Variants in FARP2 observed in about 807,000 individuals in gnomAD.
FARP2 encodes the protein FERM, ARH/RhoGEF and pleckstrin domain protein 2, also known as FERM, ARHGEF and pleckstrin domain-containing protein 2.
A neutral mutation model predicts 130.5 loss-of-function variants in FARP2; 111 were observed. The ratio of observed to expected loss-of-function variants is 0.85; its 90% CI spans 0.73 to 1.00. The LOEUF is 1.00. Among genes scored for constraint, FARP2 ranks in the 50% least tolerant of loss-of-function variants. The pLI, the probability that FARP2 is intolerant of heterozygous loss-of-function variation, is 0.00. For missense variants in FARP2, 1,385 were observed against 1,346.3 expected (o/e 1.03, Z -0.45); for synonymous variants, 504 against 516.9 (o/e 0.98, Z 0.34).
intron 2 of FARP2, among the ~76,000 whole-genome samples, chr2:241,377,485 G>A (rs910984958): frequency 6.6e-6 from 1 of 152,096 alleles, no homozygotes; most frequent in South Asian, 2.1e-4. Flanking sequence ...GGGACTATAG[G>A]CGCCCGCCAC....
intron 18 of FARP2, among the ~76,000 whole-genome samples, chr2:241,474,317 CAAAAAAAAAAAAAAAAAAAAA>C (rs56128645): frequency 2.1e-5 from 1 of 46,652 alleles, no homozygotes; most frequent in Non-Finnish European, 3.6e-5. Flanking sequence ...GATTCCGTCT[CAAAAAAAAAAAAAAAAAAAAA>C]AAAAAAAAAA....
intron 2 of FARP2, chr2:241,387,017 A>T (rs1318228719): frequency 1.3e-5 from 2 of 152,130 alleles, no homozygotes; most frequent in Non-Finnish European, 2.9e-5. Flanking sequence ...TTTTATTTTC[A>T]GCCTTTCTGA....
intron 13 of FARP2, among the ~76,000 whole-genome samples, chr2:241,451,808 G>A (rs751939008): frequency 3.9e-5 from 6 of 151,906 alleles, no homozygotes; most frequent in Non-Finnish European, 7.4e-5. Context: ...AGGCTGGAGT[G>A]CAGTGGTACG....
In FARP2 at chr2:241,373,764, A is replaced by G. The variant is rs369492184; in HGVS notation, c.183+474A>G. 1.2e-4 allele frequency among the ~76,000 whole-genome samples: 19 copies of G among 152,334 alleles called. No individual in the cohort carries two copies. The East Asian group carries it at 3.5e-3, about 28-fold the overall frequency. On this transcript the variant is annotated intron_variant, in intron 2 of 26. Coordinates refer to ENST00000264042, the MANE Select transcript of FARP2 (RefSeq NM_014808.4). ...AGCAAACACACAGAGCCTGTCATGC[A>G]GGAGGTGTTGTATGGTGTTAACATA...
At chr2:241,439,171 G>A (rs1056107097) in intron 12 of FARP2, among the ~76,000 whole-genome samples, 4 of 149,454 alleles carry the variant, frequency 2.7e-5, no homozygotes, top group Non-Finnish European at 4.5e-5. Flanking sequence ...GCATGCCACC[G>A]CACCCAGCTA....
intron 8 of FARP2, among the ~76,000 whole-genome samples, chr2:241,420,217 G>A (rs923937704): frequency 1.3e-5 from 2 of 152,088 alleles, no homozygotes; most frequent in Non-Finnish European, 2.9e-5. Context: ...CAGAATATTG[G>A]GCAACTGTAC....
intron 19 of FARP2, chr2:241,478,677 G>A: frequency 4.1e-6 from 2 of 485,156 alleles, no homozygotes; most frequent in Non-Finnish European, 8.3e-6. Flanking sequence ...GAATTTTACA[G>A]TATCACTTCA....
chr2:241,427,113 T>C (rs1279539801), intron 8 of FARP2, among the ~76,000 whole-genome samples: 1 of 152,044 alleles, frequency 6.6e-6, no homozygotes, highest in Non-Finnish European at 1.5e-5. Context: ...CAGGTGCCTG[T>C]AATGCCAGCT....
chr2:241,363,321 G>A (rs1480607532), intron 1 of FARP2, among the ~76,000 whole-genome samples: 1 of 152,206 alleles, frequency 6.6e-6, no homozygotes, highest in Admixed American at 6.5e-5. Flanking sequence ...AAAACTCTTA[G>A]GGAATGGGGA....
chr2:241,493,520 T>G, intron 26 of FARP2, 76 bp downstream of exon 26: 1 of 1,421,042 alleles, frequency 7.0e-7, no homozygotes, highest in South Asian at 1.2e-5. Flanking sequence ...CTCATGGTGG[T>G]GGAGGCAAGT....
At chr2:241,425,713 GAA>G (rs2062919219) in intron 8 of FARP2, among the ~76,000 whole-genome samples, 1 of 127,792 alleles carries the variant, frequency 7.8e-6, no homozygotes, top group Non-Finnish European at 1.6e-5. Flanking sequence ...GAGGTACAAA[GAA>G]GAGCTGGTAC....
chr2:241,468,031 T>G (rs2064219090), intron 17 of FARP2, 109 bp from the exon 18 acceptor site: 2 of 794,180 alleles, frequency 2.5e-6, no homozygotes, highest in Non-Finnish European at 4.5e-6. Flanking sequence ...CTGGTCCATT[T>G]GCCCTGTGGG....
At chr2:241,493,964 A>G (rs1463683455) in intron 26 of FARP2, 44 bp from the exon 27 acceptor site, 1 of 1,218,550 alleles carries the variant, frequency 8.2e-7, no homozygotes, top group Non-Finnish European at 1.1e-6. Context: ...ACAGTGTCTG[A>G]GCACAAGATG....
At chr2:241,450,806 G>A (rs2063636036) in intron 13 of FARP2, among the ~76,000 whole-genome samples, 1 of 152,124 alleles carries the variant, frequency 6.6e-6, no homozygotes, top group Non-Finnish European at 1.5e-5. Flanking sequence ...AAAACAATTA[G>A]CCAGGCACAG....
At chr2:241,416,038 G>GTGT in intron 7 of FARP2, among the ~76,000 whole-genome samples, 4 of 127,246 alleles carry the variant, frequency 3.1e-5, no homozygotes, top group African/African-American at 9.8e-5. Context: ...TGTGTGTCTG[G>GTGT]GTGTGTTCTG....
intron 9 of FARP2, among the ~76,000 whole-genome samples, 174 bp downstream of exon 9, chr2:241,431,948 A>C (rs2063103328): frequency 6.6e-6 from 1 of 152,090 alleles, no homozygotes; most frequent in African/African-American, 2.4e-5. Context: ...CAGCCTCCCA[A>C]GTAGCTGGGA....
At chr2:241,370,412 G>A (rs1006686284) in intron 1 of FARP2, among the ~76,000 whole-genome samples, 1 of 152,062 alleles carries the variant, frequency 6.6e-6, no homozygotes, top group African/African-American at 2.4e-5. Context: ...TGGATTTTAA[G>A]TGTTCTCACC....
chr2:241,449,231 C>A (rs1378810842), intron 13 of FARP2, among the ~76,000 whole-genome samples: 1 of 150,306 alleles, frequency 6.7e-6, no homozygotes, highest in East Asian at 2.0e-4. Context: ...AGGCAAGAGG[C>A]GGGAGGATAG....
At position 241,372,108 on chromosome 2, in the gene FARP2, AACAGCT is replaced by A. The variant is rs2061437230; in HGVS notation, c.-24-975_-24-970del. ...TGACAAGCATAGCACTGTTAGACTT[AACAGCT>A]TGCAAGCAGAGACCTTTCCCTTGGC... On this transcript the variant is annotated intron_variant, in intron 1 of 26. Coordinates refer to ENST00000264042, the MANE Select transcript of FARP2 (RefSeq NM_014808.4). Among the ~76,000 whole-genome samples, 6 of 152,272 alleles carry A rather than the reference AACAGCT, an allele frequency of 3.9e-5. No homozygotes were observed. In the South Asian group the frequency reaches 6.2e-4, roughly 16 times the overall value.
Sources: gnomAD v4.1 joint callset for allele counts (sites outside exome capture counted in the v4.1 genomes callset) on GRCh38, gnomAD v4.1.1 for gene constraint, MANE v1.5 for transcripts, NCBI Gene and HGNC (gene_info 2026-07-23, HGNC 2026-07-21) for gene names.